ADAM12: variants seen among roughly 807,000 people sequenced by gnomAD.
ADAM12 encodes ADAM metallopeptidase domain 12.
Under a neutral mutation model 106.4 loss-of-function variants are expected in ADAM12, and 70 were observed. The ratio of observed to expected loss-of-function variants is 0.66; its 90% CI spans 0.54 to 0.80. The LOEUF is 0.80. Ranked by LOEUF, ADAM12 falls within the 30% of genes least tolerant of loss-of-function variation. The probability of loss-of-function intolerance (pLI) is 0.00; values close to 1 mark genes in which losing one functional copy is unlikely to be tolerated. For missense variants in ADAM12, 1,010 were observed against 1,171.9 expected, an observed-to-expected ratio of 0.86 and a Z score of 2.02; for synonymous variants, 420 against 433.5, an observed-to-expected ratio of 0.97 and a Z score of 0.39.
intron 5 of ADAM12, among the ~76,000 whole-genome samples, chr10:126,129,057 G>A (rs983314530): frequency 3.9e-5 from 6 of 152,240 alleles, no homozygotes; most frequent in African/African-American, 1.4e-4. Context: ...TCTAGTGTAC[G>A]ATCTGATCGA....
chr10:126,261,619 C>G (rs1364756511), intron 3 of ADAM12, among the ~76,000 whole-genome samples: 1 of 152,094 alleles, frequency 6.6e-6, no homozygotes, highest in African/African-American at 2.4e-5. Context: ...GTGTCTCAAA[C>G]CCCAATACAC....
intron 21 of ADAM12, among the ~76,000 whole-genome samples, chr10:126,021,605 A>G (rs1953768860): frequency 6.6e-6 from 1 of 152,214 alleles, no homozygotes; most frequent in Admixed American, 6.5e-5. Flanking sequence ...TTAAATAGAA[A>G]AAATTCCCTA....
At chr10:126,320,434 TA>T (rs1205120634) in intron 2 of ADAM12, among the ~76,000 whole-genome samples, 3 of 152,216 alleles carry the variant, frequency 2.0e-5, no homozygotes, top group Non-Finnish European at 4.4e-5. Context: ...AGGATAGGTA[TA>T]AAAATGTTTC....
rs781536475 is a variant in ADAM12 at position 126,064,660 on chromosome 10, A to G, written c.1609+146T>C. Reference sequence around the variant, plus strand: ...CGGCCTCAGACCCTCCCTGGGAGTCAATCACTCCCGACTGAACACACCGGA... The same window carrying G: ...CGGCCTCAGACCCTCCCTGGGAGTCGATCACTCCCGACTGAACACACCGGA... On this transcript the variant is annotated intron_variant, in intron 14 of 22. Coordinates refer to ENST00000448723, the MANE Select transcript of ADAM12 (RefSeq NM_001288973.2). The surrounding 1 kb of genome is among the most constrained non-coding windows in gnomAD (Gnocchi z 4.4). 53 of 856,990 alleles carry G rather than the reference A, an allele frequency of 6.2e-5. 1 individual carries two copies. Among genetic ancestry groups the G allele is most frequent in the Admixed American group, 5.4e-4 (20 of 37,300 alleles). The allele number at this position is 856,990 out of a possible 1,614,324, so 53.1% of individuals were successfully genotyped here. A position where few individuals can be genotyped will look rare whatever the true frequency, so the allele number is the denominator to read the frequency against.
At chr10:126,130,397 G>C (rs931862801) in intron 5 of ADAM12, among the ~76,000 whole-genome samples, 5 of 151,960 alleles carry the variant, frequency 3.3e-5, no homozygotes. Context: ...TCTCAGAAGC[G>C]CCCACAGTGA....
At chr10:126,156,423 G>A (rs1467495654) in intron 3 of ADAM12, among the ~76,000 whole-genome samples, 1 of 152,148 alleles carries the variant, frequency 6.6e-6, no homozygotes, top group African/African-American at 2.4e-5. Context: ...CATTTACATA[G>A]GGCGCACACG....
chr10:126,035,868 C>T lies in ADAM12; in HGVS notation c.2529+278G>A, dbSNP rs113290999. ...TTATTACTAGTCCCTCTGCTATTCT[C>T]AATAGTGTCATCGTTTAGTTGCATG... On this transcript the variant is annotated intron_variant, in intron 21 of 22. Transcript: ENST00000448723. Among the ~76,000 whole-genome samples the T allele has an allele frequency of 6.0e-3, 913 of 152,208 alleles. 8 individuals carry two copies. Among genetic ancestry groups the T allele is most frequent in the African/African-American group, 0.021 (861 of 41,526 alleles).
intron 1 of ADAM12, among the ~76,000 whole-genome samples, chr10:126,343,700 G>A (rs565918137): frequency 7.2e-5 from 11 of 152,104 alleles, no homozygotes; most frequent in South Asian, 2.1e-4. Flanking sequence ...GTTGTTTCCC[G>A]ACTTTTTAAT....
chr10:126,381,501 A>T (rs1856492568), intron 1 of ADAM12, among the ~76,000 whole-genome samples: 1 of 151,906 alleles, frequency 6.6e-6, no homozygotes, highest in Admixed American at 6.6e-5. Context: ...ATATTTTTTA[A>T]AAAAAAACTT....
intron 11 of ADAM12, among the ~76,000 whole-genome samples, chr10:126,080,307 G>A (rs561179075): frequency 6.6e-6 from 1 of 152,286 alleles, no homozygotes; most frequent in Admixed American, 6.5e-5. Flanking sequence ...ACAAGCCTCA[G>A]TTTCTTCCGT....
chr10:126,126,623 G>C (rs1956210912), intron 5 of ADAM12, among the ~76,000 whole-genome samples: 1 of 151,864 alleles, frequency 6.6e-6, no homozygotes, highest in Non-Finnish European at 1.5e-5. Context: ...TTTATGACAT[G>C]ATCTAGTAGT....
At chr10:126,227,430 T>C (rs1958219524) in intron 3 of ADAM12, among the ~76,000 whole-genome samples, 1 of 152,224 alleles carries the variant, frequency 6.6e-6, no homozygotes. Flanking sequence ...AGGCACTTAG[T>C]ATTTGCCAGG....
chr10:126,060,133 C>T (rs1015369466), intron 14 of ADAM12, among the ~76,000 whole-genome samples: 1 of 152,180 alleles, frequency 6.6e-6, no homozygotes, highest in African/African-American at 2.4e-5. Flanking sequence ...ATTAGAACAA[C>T]AAATAAATGA....
In ADAM12 at chr10:126,036,171, G is replaced by A. The variant is rs540585372; in HGVS notation, c.2504C>T (p.Ala835Val). The change falls in exon 21 of 23, where the codon GCC (alanine) becomes GTC (valine). Residue 835 changes from alanine (A) to valine (V), a missense_variant. By Grantham distance (64) the Ala-to-Val change is moderately conservative. This residue lies in a region of ADAM12 where 615 missense variants were observed against 708.5 expected (regional missense o/e 0.87). Transcript: ENST00000448723. ...APSVPARPLPAKPALRQAQGT... is the reference protein window; with the variant it reads ...APSVPARPLPVKPALRQAQGT... ...CTGGGCCTGCCTAAGTGCAGGCTTG[G>A]CTGGCAGGGGTCTGGCAGGGACGCT... The A allele has an allele frequency of 4.0e-6, 6 of 1,498,262 alleles. No homozygotes were observed. In the South Asian group the frequency reaches 6.8e-5, roughly 17 times the overall value. 92.8% of individuals were successfully genotyped at this position (1,498,262 alleles called of 1,614,324 possible).
At chr10:126,027,415 T>G (rs557682630) in intron 21 of ADAM12, among the ~76,000 whole-genome samples, 69 of 150,434 alleles carry the variant, frequency 4.6e-4, no homozygotes, top group East Asian at 4.1e-3. Context: ...CTGGGAGAGA[T>G]AAAAAAAAAC....
chr10:126,112,527 G>C (rs935651400), intron 6 of ADAM12, among the ~76,000 whole-genome samples: 1 of 152,060 alleles, frequency 6.6e-6, no homozygotes, highest in Non-Finnish European at 1.5e-5. Context: ...TTTGAATCTT[G>C]CTCAAGAAAG....
chr10:126,030,732 T>A (rs534545319), intron 21 of ADAM12, among the ~76,000 whole-genome samples: 62 of 152,320 alleles, frequency 4.1e-4, no homozygotes, highest in African/African-American at 1.4e-3. Flanking sequence ...GTCTGATGAA[T>A]AATTAGTATA....
intron 22 of ADAM12, among the ~76,000 whole-genome samples, chr10:126,018,115 T>A (rs146918455): frequency 1.3e-5 from 2 of 152,232 alleles, no homozygotes; most frequent in African/African-American, 4.8e-5. Context: ...AAGCAGCTCT[T>A]TCTTTCACGG....
chr10:126,348,372 G>A (rs1177515539), intron 1 of ADAM12, among the ~76,000 whole-genome samples: 1 of 152,146 alleles, frequency 6.6e-6, no homozygotes, highest in Non-Finnish European at 1.5e-5. Context: ...CTTTGAATGG[G>A]CAGGATCTGG....
Sources: gnomAD v4.1 joint callset for allele counts (sites outside exome capture counted in the v4.1 genomes callset) on GRCh38, gnomAD v4.1.1 for gene constraint, gnomAD v4.1.1 regional missense constraint, Gnocchi (gnomAD v3.1) non-coding constraint, MANE v1.5 for transcripts, NCBI Gene and HGNC (gene_info 2026-07-23, HGNC 2026-07-21) for gene names.